Variants in CDC42SE2 observed in about 807,000 individuals in gnomAD.
The protein encoded by CDC42SE2 is CDC42 small effector protein 2.
A neutral mutation model predicts 11.5 loss-of-function variants in CDC42SE2; 3 were observed. The observed-to-expected ratio is 0.26, with a 90% CI of 0.12 to 0.67. The LOEUF (loss-of-function observed/expected upper bound fraction) is 0.67, where lower values mean the gene tolerates loss of function less well. CDC42SE2 is among the 30% of genes least tolerant of loss of function. The probability of loss-of-function intolerance (pLI) is 0.80; values close to 1 mark genes in which losing one functional copy is unlikely to be tolerated. For synonymous variants in CDC42SE2, 33 were observed against 34.8 expected (o/e 0.95, Z 0.18); for missense variants, 82 against 106.8 (o/e 0.77, Z 1.02).
the CDC42SE2 span, among the ~76,000 whole-genome samples, chr5:131,233,587 C>T: frequency 3.3e-5 from 5 of 152,152 alleles, no homozygotes; most frequent in African/African-American, 1.2e-4. Context: ...AAGCTGGTCT[C>T]GAACTGACCT....
At chr5:131,386,224 T>A (rs890643848) in intron 4 of CDC42SE2, among the ~76,000 whole-genome samples, 6 of 152,226 alleles carry the variant, frequency 3.9e-5, no homozygotes, top group Non-Finnish European at 8.8e-5. Flanking sequence ...CATGTGCAGT[T>A]CGCAATAGGG....
At chr5:131,296,872 TTTTC>T (rs552619595) in intron 1 of CDC42SE2, among the ~76,000 whole-genome samples, 35 of 152,238 alleles carry the variant, frequency 2.3e-4, no homozygotes, top group African/African-American at 7.2e-4. Flanking sequence ...TGCAAGTTCT[TTTTC>T]TTTCTTTCTT....
chr5:131,345,580 G>A (rs1328239106), intron 2 of CDC42SE2, among the ~76,000 whole-genome samples: 7 of 152,186 alleles, frequency 4.6e-5, no homozygotes, highest in African/African-American at 1.2e-4. Context: ...ACTCTGCAGG[G>A]TATTATTCAG....
chr5:131,292,267 ATAAT>A (rs1757473498), intron 1 of CDC42SE2, among the ~76,000 whole-genome samples: 23 of 140,686 alleles, frequency 1.6e-4, no homozygotes, highest in African/African-American at 3.6e-4. Flanking sequence ...AAAAAAAAAG[ATAAT>A]AATAATATCT....
intron 2 of CDC42SE2, among the ~76,000 whole-genome samples, chr5:131,318,432 A>C (rs1238695639): frequency 6.6e-6 from 1 of 152,192 alleles, no homozygotes; most frequent in Non-Finnish European, 1.5e-5. Context: ...GCAGGCATGC[A>C]CCTTAAGCTA....
intron 1 of CDC42SE2, among the ~76,000 whole-genome samples, chr5:131,312,745 A>G: frequency 6.6e-6 from 1 of 151,970 alleles, no homozygotes; most frequent in South Asian, 2.1e-4. Flanking sequence ...AGGAAAGGGA[A>G]CTCCCTGACC....
At chr5:131,243,527 T>C (rs1756556546), upstream of CDC42SE2, among the ~76,000 whole-genome samples, 1 of 152,086 alleles carries the variant, frequency 6.6e-6, no homozygotes, top group Admixed American at 6.5e-5. Flanking sequence ...TGGAGGTTGC[T>C]GTGAGCCGAG....
chr5:131,263,796 G>A (rs990990265), upstream of CDC42SE2: 2 of 152,268 alleles, frequency 1.3e-5, no homozygotes, highest in African/African-American at 4.8e-5. Context: ...GAGTGCTGCA[G>A]TCCCGGATCT....
intron 1 of CDC42SE2, among the ~76,000 whole-genome samples, chr5:131,294,754 G>A (rs887562229): frequency 5.9e-5 from 9 of 152,206 alleles, no homozygotes; most frequent in Admixed American, 6.5e-5. Context: ...CCCTTTGGGA[G>A]GCTGAGGCGG....
intron 2 of CDC42SE2, among the ~76,000 whole-genome samples, chr5:131,257,839 T>C (rs1219921762): frequency 6.6e-6 from 1 of 152,130 alleles, no homozygotes; most frequent in Non-Finnish European, 1.5e-5. Flanking sequence ...AACAAGATAT[T>C]CCGTTTCTCC....
chr5:131,349,973 A>C (rs183291971), intron 2 of CDC42SE2, among the ~76,000 whole-genome samples: 14 of 152,310 alleles, frequency 9.2e-5, no homozygotes, highest in Non-Finnish European at 2.9e-5. Context: ...AAAAAACTTG[A>C]TTTAGAACTA....
At chr5:131,364,569 G>A (rs1749801135) in intron 3 of CDC42SE2, among the ~76,000 whole-genome samples, 1 of 152,178 alleles carries the variant, frequency 6.6e-6, no homozygotes, top group East Asian at 1.9e-4. Context: ...GTATGTGGAA[G>A]AACATACCTA....
At chr5:131,354,155 T>G (rs1400053060) in intron 2 of CDC42SE2, among the ~76,000 whole-genome samples, 1 of 152,010 alleles carries the variant, frequency 6.6e-6, no homozygotes, top group Admixed American at 6.6e-5. Context: ...GTAGGATGGT[T>G]TGAGTCTGGG....
intron 1 of CDC42SE2, among the ~76,000 whole-genome samples, chr5:131,270,293 T>C (rs2149693005): frequency 6.6e-6 from 1 of 152,114 alleles, no homozygotes; most frequent in Admixed American, 6.5e-5. Flanking sequence ...GAGAATGGCA[T>C]GGACCCGGGA....
intron 1 of CDC42SE2, chr5:131,255,087 T>G (rs2149684450): frequency 6.6e-6 from 1 of 152,312 alleles, no homozygotes; most frequent in Middle Eastern, 3.4e-3. Context: ...TATTTATGTT[T>G]ATTTTAGAAT....
At chr5:131,358,158 A>T (rs142252650) in intron 2 of CDC42SE2, among the ~76,000 whole-genome samples, 130 of 152,320 alleles carry the variant, frequency 8.5e-4, no homozygotes, top group South Asian at 6.4e-3. Context: ...TCATAATCTG[A>T]TGATTGCAAA....
At chr5:131,385,672 A>G (rs1463678318) in intron 4 of CDC42SE2, 28 bp downstream of exon 4, 1 of 1,417,274 alleles carries the variant, frequency 7.1e-7, no homozygotes, top group South Asian at 1.2e-5. Flanking sequence ...ACATGCAGGT[A>G]GGGCATTGGG....
At chr5:131,372,548 C>T (rs1750040626) in intron 3 of CDC42SE2, among the ~76,000 whole-genome samples, 2 of 151,902 alleles carry the variant, frequency 1.3e-5, no homozygotes, top group African/African-American at 2.4e-5. Flanking sequence ...CCCGTCTCTA[C>T]TAAAAATAAA....
chr5:131,267,895 TCTG>T (rs1486775852), intron 1 of CDC42SE2, among the ~76,000 whole-genome samples: 1 of 152,104 alleles, frequency 6.6e-6, no homozygotes, highest in Non-Finnish European at 1.5e-5. Context: ...TTGGTTTTGA[TCTG>T]CTGTATTGTT....
Sources: gnomAD v4.1 joint callset for allele counts (sites outside exome capture counted in the v4.1 genomes callset) on GRCh38, gnomAD v4.1.1 for gene constraint, MANE v1.5 for transcripts, NCBI Gene and HGNC (gene_info 2026-07-23, HGNC 2026-07-21) for gene names.